The following FSTL5 variants were observed in gnomAD, a reference collection of about 807,000 sequenced individuals.
FSTL5 encodes the protein follistatin-related protein 5.
Under a neutral mutation model 89.1 loss-of-function variants are expected in FSTL5, and 62 were observed. The ratio of observed to expected loss-of-function variants is 0.70; its 90% CI spans 0.57 to 0.86. FSTL5 has a LOEUF of 0.86. Ranked by LOEUF, FSTL5 falls within the 40% of genes least tolerant of loss-of-function variation. FSTL5 has a pLI of 0.00. For missense variants in FSTL5, 1,057 were observed against 1,001.6 expected (o/e 1.06, Z -0.75); for synonymous variants, 383 against 346.2 (o/e 1.11, Z -1.18).
intron 15 of FSTL5, among the ~76,000 whole-genome samples, chr4:161,388,814 G>C (rs1730728934): frequency 6.6e-6 from 1 of 152,002 alleles, no homozygotes; most frequent in African/African-American, 2.4e-5. Context: ...TGCTAATGAG[G>C]AAGAATGAGA....
intron 2 of FSTL5, among the ~76,000 whole-genome samples, chr4:162,050,390 T>A (rs1172264893): frequency 6.6e-6 from 1 of 151,188 alleles, no homozygotes; most frequent in Admixed American, 6.6e-5. Flanking sequence ...AAAACATTTA[T>A]ATGTCATTTT....
chr4:161,961,810 C>A (rs944452356), intron 3 of FSTL5, among the ~76,000 whole-genome samples: 1 of 151,560 alleles, frequency 6.6e-6, no homozygotes, highest in Non-Finnish European at 1.5e-5. Context: ...CTAACTTCTA[C>A]CAACTTGAGT....
chr4:162,082,974 T>A (rs1175526449), intron 2 of FSTL5, among the ~76,000 whole-genome samples: 1 of 151,672 alleles, frequency 6.6e-6, no homozygotes, highest in East Asian at 1.9e-4. Flanking sequence ...ATTTGAATGG[T>A]AAGTTTGAAG....
At chr4:162,088,665 A>C (rs1174824112) in intron 2 of FSTL5, among the ~76,000 whole-genome samples, 2 of 152,122 alleles carry the variant, frequency 1.3e-5, no homozygotes, top group African/African-American at 4.8e-5. Flanking sequence ...AGACACTTAG[A>C]TATTTATTAG....
intron 3 of FSTL5, among the ~76,000 whole-genome samples, chr4:162,009,803 A>G (rs1221536068): frequency 1.3e-5 from 2 of 152,034 alleles, no homozygotes; most frequent in Non-Finnish European, 2.9e-5. Context: ...TCCTATGTAC[A>G]TTATGTAAAT....
chr4:161,858,009 C>T (rs941163482), intron 4 of FSTL5, among the ~76,000 whole-genome samples: 1 of 152,140 alleles, frequency 6.6e-6, no homozygotes, highest in Admixed American at 6.5e-5. Flanking sequence ...ATGTCTCCCA[C>T]CTTAAATTCA....
At chr4:161,425,161 AAC>A (rs1732127879) in intron 15 of FSTL5, among the ~76,000 whole-genome samples, 1 of 152,224 alleles carries the variant, frequency 6.6e-6, no homozygotes, top group African/African-American at 2.4e-5. Flanking sequence ...CTTTGCAAAT[AAC>A]ACACTGCAAA....
At chr4:162,006,513 T>G (rs894501348) in intron 3 of FSTL5, among the ~76,000 whole-genome samples, 2 of 151,990 alleles carry the variant, frequency 1.3e-5, no homozygotes, top group African/African-American at 4.8e-5. Flanking sequence ...TATATGTTGT[T>G]GTACAGGTAA....
chr4:161,985,825 T>C (rs903232302), intron 3 of FSTL5, among the ~76,000 whole-genome samples: 4 of 152,074 alleles, frequency 2.6e-5, no homozygotes, highest in African/African-American at 9.7e-5. Flanking sequence ...ATACCTACAT[T>C]CCACATATAT....
intron 7 of FSTL5, among the ~76,000 whole-genome samples, chr4:161,617,439 A>G (rs1056181153): frequency 6.6e-6 from 1 of 152,164 alleles, no homozygotes; most frequent in Non-Finnish European, 1.5e-5. Context: ...ACCAAAGGAG[A>G]CAAAGATAAA....
intron 3 of FSTL5, among the ~76,000 whole-genome samples, chr4:162,029,162 AGAGAGTGTGT>A (rs1399832839): frequency 4.3e-5 from 4 of 93,180 alleles, no homozygotes; most frequent in Admixed American, 1.1e-4. Flanking sequence ...AGAGAGAGAG[AGAGAGTGTGT>A]GTGTGTGTGT....
In FSTL5 at chr4:161,626,953, A is replaced by G. The variant is rs559497351; in HGVS notation, c.894+29375T>C. On this transcript the variant is annotated intron_variant, in intron 7 of 15. Coordinates refer to ENST00000306100, the MANE Select transcript of FSTL5 (RefSeq NM_020116.5). ...TAGCACTATAAAAGTTGAACAGATT[A>G]CTTGCTTTTTATGGATGAGCAAACA... 2.6e-5 allele frequency among the ~76,000 whole-genome samples: 4 copies of G among 152,286 alleles called. No homozygotes were observed. In the South Asian group the frequency reaches 8.3e-4, roughly 32 times the overall value.
intron 6 of FSTL5, among the ~76,000 whole-genome samples, chr4:161,730,165 G>T (rs1270238506): frequency 6.6e-6 from 1 of 152,024 alleles, no homozygotes; most frequent in East Asian, 1.9e-4. Context: ...ACTCTTCTCT[G>T]TGTGTATTTA....
chr4:162,089,542 A>G (rs1220528418), intron 2 of FSTL5, among the ~76,000 whole-genome samples: 4 of 149,278 alleles, frequency 2.7e-5, no homozygotes, highest in Non-Finnish European at 4.4e-5. Context: ...GTAAGGCAGG[A>G]GAATCACCTG....
At position 161,385,873 on chromosome 4, in the gene FSTL5, A is replaced by C. The variant is rs1470397474; in HGVS notation, c.2418T>G (p.Phe806Leu). ...TGGAAGGTGTCATCAGGTATTGACC[A>C]AACAAGCCACTGTCCTGGATTTGCC... is the stretch of plus-strand genomic sequence containing the variant. ...KNRQIQDSGL[F>L]GQYLMTPSKD... is the part of the protein sequence containing the mutation. The change falls in exon 16 of 16, where the codon TTT becomes TTG. Residue 806 changes from phenylalanine (F) to leucine (L), a missense_variant. Phe to Leu is a conservative substitution (Grantham distance 22, BLOSUM62 0). Coordinates refer to ENST00000306100, the MANE Select transcript of FSTL5 (RefSeq NM_020116.5). 1.2e-6 allele frequency: 2 copies of C among 1,613,974 alleles called. No individual in the cohort carries two copies. The highest frequency in any genetic ancestry group is 1.7e-6 in the Non-Finnish European group (2 of 1,179,930).
chr4:161,608,510 T>C (rs1177143691), intron 7 of FSTL5, among the ~76,000 whole-genome samples: 12 of 152,044 alleles, frequency 7.9e-5, no homozygotes, highest in Non-Finnish European at 5.9e-5. Flanking sequence ...TCTTCTTTGT[T>C]AAGAAAAATG....
chr4:161,992,900 GTGTGTATATATATATATATATATA>G lies in FSTL5; in HGVS notation c.160+40701_160+40724del, dbSNP rs1403626440. Among the ~76,000 whole-genome samples the G allele has an allele frequency of 2.9e-3, 212 of 73,028 alleles. 6 individuals carry two copies. The highest frequency in any genetic ancestry group is 9.6e-3 in the African/African-American group (182 of 18,908). 47.9% of individuals were successfully genotyped at this position (73,028 alleles called of 152,430 possible). On this transcript the variant is annotated intron_variant, in intron 3 of 15. Coordinates refer to ENST00000306100, the MANE Select transcript of FSTL5 (RefSeq NM_020116.5). Reference sequence around the variant, plus strand: ...TATATATATATATATATATATATGTGTGTGTATATATATATATATATATATGTGTGTATATATATATGTGTGTAT... The same window carrying G: ...TATATATATATATATATATATATGTGTGTGTGTATATATATATGTGTGTAT...
chr4:162,115,931 A>C (rs543929361), intron 1 of FSTL5, among the ~76,000 whole-genome samples: 24 of 152,244 alleles, frequency 1.6e-4, no homozygotes, highest in African/African-American at 3.9e-4. Context: ...ACTTGGGAAA[A>C]CTAAGACCAC....
chr4:161,711,162 G>A (rs376747079), intron 6 of FSTL5, among the ~76,000 whole-genome samples: 1 of 151,726 alleles, frequency 6.6e-6, no homozygotes, highest in Non-Finnish European at 1.5e-5. Flanking sequence ...ACAGGTACGA[G>A]GAAATTAGAA....
Sources: gnomAD v4.1 joint callset for allele counts (sites outside exome capture counted in the v4.1 genomes callset) on GRCh38, gnomAD v4.1.1 for gene constraint, MANE v1.5 for transcripts, NCBI Gene and HGNC (gene_info 2026-07-23, HGNC 2026-07-21) for gene names.